Variants in PBX1 observed in about 807,000 individuals in gnomAD.
The protein encoded by PBX1 is PBX homeobox 1, also known as pre-B-cell leukemia transcription factor 1.
In PBX1, 6 loss-of-function variants were observed where a neutral mutation model predicts 53.4. The ratio of observed to expected loss-of-function variants is 0.11; its 90% CI spans 0.06 to 0.22. The LOEUF (loss-of-function observed/expected upper bound fraction) is 0.22, where lower values mean the gene tolerates loss of function less well. PBX1 is among the 10% of genes least tolerant of loss of function. The pLI is 1.00. For missense variants in PBX1, 251 were observed against 551.4 expected, an observed-to-expected ratio of 0.46 and a Z score of 5.46; for synonymous variants, 204 against 212.3, an observed-to-expected ratio of 0.96 and a Z score of 0.34.
chr1:164,677,157 A>G (rs1481523402), intron 2 of PBX1, among the ~76,000 whole-genome samples: 5 of 149,442 alleles, frequency 3.3e-5, no homozygotes, highest in Admixed American at 6.7e-5. Flanking sequence ...CAGTGGCACA[A>G]TCTCGGCTCA....
At chr1:164,668,446 C>A (rs1206463877) in intron 2 of PBX1, among the ~76,000 whole-genome samples, 1 of 151,956 alleles carries the variant, frequency 6.6e-6, no homozygotes, top group Non-Finnish European at 1.5e-5. Flanking sequence ...ACCCACCCCA[C>A]CTCCACCATG....
intron 2 of PBX1, among the ~76,000 whole-genome samples, chr1:164,718,853 G>A (rs1190947365): frequency 6.6e-6 from 1 of 152,198 alleles, no homozygotes; most frequent in Non-Finnish European, 1.5e-5. Flanking sequence ...ATGTAAAAAT[G>A]TTGTGACTTG....
chr1:164,807,392 G>C, intron 4 of PBX1, 150 bp from the exon 5 acceptor site: 1 of 846,190 alleles, frequency 1.2e-6, no homozygotes, highest in East Asian at 2.6e-5. Context: ...TTTAGCGTTG[G>C]TTTTGGCATC....
intron 2 of PBX1, among the ~76,000 whole-genome samples, chr1:164,580,468 A>C (rs1267456450): frequency 1.3e-5 from 2 of 151,598 alleles, no homozygotes; most frequent in African/African-American, 4.8e-5. Flanking sequence ...TAGTAGAGAC[A>C]GAGGTTTCAC....
At chr1:164,569,757 C>T (rs1478894721) in intron 2 of PBX1, among the ~76,000 whole-genome samples, 2 of 151,814 alleles carry the variant, frequency 1.3e-5, no homozygotes, top group Non-Finnish European at 1.5e-5. Flanking sequence ...GACGAGGTTT[C>T]GCCCTGTTGG....
intron 2 of PBX1, among the ~76,000 whole-genome samples, chr1:164,577,620 G>C (rs947323287): frequency 1.3e-5 from 2 of 152,174 alleles, no homozygotes; most frequent in East Asian, 3.9e-4. Context: ...GTGTATTCTA[G>C]TGCTTGCTTA....
chr1:164,730,076 T>C lies in PBX1; in HGVS notation c.266-62418T>C, dbSNP rs140306134. 1.5e-3 allele frequency among the ~76,000 whole-genome samples: 236 copies of C among 152,324 alleles called. 1 individual carries two copies. The highest frequency in any genetic ancestry group is 5.1e-3 in the African/African-American group (210 of 41,568). Reference sequence around the variant, plus strand: ...GGGTAAACCCTGGAGGGCTTCAGGATATCTGAAGGCCACCATAAATCACTG... The same window carrying C: ...GGGTAAACCCTGGAGGGCTTCAGGACATCTGAAGGCCACCATAAATCACTG... On this transcript the variant is annotated intron_variant, in intron 2 of 8. Transcript: ENST00000420696.
At chr1:164,626,005 C>T in intron 2 of PBX1, 1 of 1,041,788 alleles carries the variant, frequency 9.6e-7, no homozygotes, top group Non-Finnish European at 1.2e-6. Flanking sequence ...CTGTTCGGCA[C>T]AGAGTACTCT....
intron 2 of PBX1, among the ~76,000 whole-genome samples, chr1:164,688,044 G>A (rs757055597): frequency 6.6e-6 from 1 of 152,130 alleles, no homozygotes; most frequent in Non-Finnish European, 1.5e-5. Flanking sequence ...TGCTCTCTAG[G>A]AACTAATCTT....
intron 2 of PBX1, among the ~76,000 whole-genome samples, chr1:164,735,269 T>C (rs532586002): frequency 6.6e-6 from 1 of 152,372 alleles, no homozygotes; most frequent in East Asian, 1.9e-4. Flanking sequence ...TCCCTAGATA[T>C]GCATAATTTA....
At chr1:164,773,568 G>A (rs988640742) in intron 2 of PBX1, among the ~76,000 whole-genome samples, 4 of 148,368 alleles carry the variant, frequency 2.7e-5, no homozygotes, top group African/African-American at 9.7e-5. Context: ...GTGATTAAAT[G>A]TGGAGAGTGG....
intron 2 of PBX1, among the ~76,000 whole-genome samples, chr1:164,883,142 CA>C (rs1398715571): frequency 2.0e-5 from 3 of 152,156 alleles, no homozygotes; most frequent in African/African-American, 7.2e-5. Context: ...TTAAAAACAT[CA>C]AGCCCCACTT....
chr1:164,805,045 T>G (rs1264590420), intron 4 of PBX1, among the ~76,000 whole-genome samples: 1 of 152,152 alleles, frequency 6.6e-6, no homozygotes, highest in Non-Finnish European at 1.5e-5. Context: ...GTCTGTGATG[T>G]CTACACATCT....
chr1:164,849,354 C>A lies in PBX1; in HGVS notation c.*2678C>A, dbSNP rs774067714. Reference sequence around the variant, plus strand: ...TCTATACCCAGCACCTCCCCCGGCACCCCCGGCAAGCCCACTATCACTTCC... The same window carrying A: ...TCTATACCCAGCACCTCCCCCGGCAACCCCGGCAAGCCCACTATCACTTCC... On this transcript the variant is annotated 3_prime_UTR_variant, in exon 9 of 9. Transcript: ENST00000420696. 13 of 1,535,536 alleles carry A rather than the reference C, an allele frequency of 8.5e-6. No homozygotes were observed. Among genetic ancestry groups the A allele is most frequent in the Non-Finnish European group, 1.0e-5 (12 of 1,146,782 alleles).
chr1:164,720,173 G>C (rs937637536), intron 2 of PBX1, among the ~76,000 whole-genome samples: 1 of 152,168 alleles, frequency 6.6e-6, no homozygotes, highest in Non-Finnish European at 1.5e-5. Context: ...TTATTGTAAA[G>C]ACAGGGGAAA....
chr1:164,567,225 T>C (rs1445623795), intron 2 of PBX1, among the ~76,000 whole-genome samples: 1 of 152,130 alleles, frequency 6.6e-6, no homozygotes, highest in African/African-American at 2.4e-5. Flanking sequence ...CGGTGGGTTA[T>C]GGAAGGAAGC....
At chr1:164,743,465 G>T (rs1665725014) in intron 2 of PBX1, among the ~76,000 whole-genome samples, 1 of 152,118 alleles carries the variant, frequency 6.6e-6, no homozygotes, top group African/African-American at 2.4e-5. Flanking sequence ...TGTGTTTCCA[G>T]TGCTCACTTT....
intron 2 of PBX1, among the ~76,000 whole-genome samples, chr1:164,667,527 C>A (rs897896939): frequency 2.6e-5 from 4 of 151,994 alleles, no homozygotes; most frequent in African/African-American, 9.7e-5. Context: ...TGGGTCAAGA[C>A]CAGAAGCCTT....
intron 2 of PBX1, among the ~76,000 whole-genome samples, chr1:164,700,275 A>G (rs1399313031): frequency 4.6e-5 from 7 of 152,182 alleles, no homozygotes; most frequent in African/African-American, 1.7e-4. Context: ...AGCAGCCTGT[A>G]CATCAGAGAG....
Sources: gnomAD v4.1 joint callset for allele counts (sites outside exome capture counted in the v4.1 genomes callset) on GRCh38, gnomAD v4.1.1 for gene constraint, MANE v1.5 for transcripts, NCBI Gene and HGNC (gene_info 2026-07-23, HGNC 2026-07-21) for gene names.